The following SLC6A17 variants were observed in gnomAD, a reference collection of about 807,000 sequenced individuals.
The protein encoded by SLC6A17 is solute carrier family 6 member 17.
Under a neutral mutation model 64.5 loss-of-function variants are expected in SLC6A17, and 21 were observed. The ratio of observed to expected loss-of-function variants is 0.33; its 90% CI spans 0.23 to 0.47. The LOEUF is 0.47. Among genes scored for constraint, SLC6A17 ranks in the 20% least tolerant of loss-of-function variants. The probability of loss-of-function intolerance (pLI) is 1.00; values close to 1 mark genes in which losing one functional copy is unlikely to be tolerated. For synonymous variants in SLC6A17, 372 were observed against 399.5 expected, an observed-to-expected ratio of 0.93 and a Z score of 0.82; for missense variants, 682 against 963.2, an observed-to-expected ratio of 0.71 and a Z score of 3.86.
At position 110,198,692 on chromosome 1, in the gene SLC6A17, C is replaced by G; in HGVS notation, c.*248C>G. 1.9e-6 allele frequency: 1 copy of G among 522,292 alleles called. No homozygotes were observed. Among genetic ancestry groups the G allele is most frequent in the Non-Finnish European group, 3.2e-6 (1 of 310,854 alleles). The allele number at this position is 522,292 out of a possible 1,614,324, so 32.4% of individuals were successfully genotyped here. A position where few individuals can be genotyped will look rare whatever the true frequency, so the allele number is the denominator to read the frequency against. On this transcript the variant is annotated 3_prime_UTR_variant, in exon 12 of 12. Coordinates refer to ENST00000331565, the MANE Select transcript of SLC6A17 (RefSeq NM_001010898.4). ...CATCTAGCCCTCCAAGAGCCTCCGC[C>G]AAATTGTAGCCATGTAATTGGAACA...
At chr1:110,189,457 G>C (rs531566105) in intron 6 of SLC6A17, among the ~76,000 whole-genome samples, 2 of 152,248 alleles carry the variant, frequency 1.3e-5, no homozygotes, top group South Asian at 4.2e-4. Context: ...GCACCACCCA[G>C]CCCCTTAGCA....
chr1:110,194,275 A>G (rs1233175011), intron 8 of SLC6A17, among the ~76,000 whole-genome samples: 1 of 152,206 alleles, frequency 6.6e-6, no homozygotes, highest in Non-Finnish European at 1.5e-5. Context: ...CAGGGTCCTG[A>G]GCTGGGTGTA....
chr1:110,199,051 A>G lies in SLC6A17; in HGVS notation c.*607A>G, dbSNP rs1053951390. ...AGCCCCAAGTTCTGTTTTCTGAGGT[A>G]TGTGCTGCCCTTGGCTTCAGCATGA... On this transcript the variant is annotated 3_prime_UTR_variant, in exon 12 of 12. Transcript: ENST00000331565. The G allele has an allele frequency of 2.0e-5, 3 of 152,806 alleles. No individual in the cohort carries two copies. In the East Asian group the frequency reaches 5.8e-4, roughly 29 times the overall value. 9.5% of individuals were successfully genotyped at this position (152,806 alleles called of 1,614,324 possible). A position where few individuals can be genotyped will look rare whatever the true frequency, so the allele number is the denominator to read the frequency against.
rs1557843132 is a variant in SLC6A17, at chr1:110,198,112, A to G, written c.1852A>G (p.Met618Val). 2 of 1,613,784 alleles carry G rather than the reference A, an allele frequency of 1.2e-6. No individual in the cohort carries two copies. Among genetic ancestry groups the G allele is most frequent in the South Asian group, 1.1e-5 (1 of 91,082 alleles). Reference sequence around the variant, plus strand: ...CTACCTGTATTTCCCCAACTGGGCCATGGCACTCCTGATCACCCTCATCGT... The same window carrying G: ...CTACCTGTATTTCCCCAACTGGGCCGTGGCACTCCTGATCACCCTCATCGT... Reference protein sequence around the residue: ...ERYLYFPNWAMALLITLIVVA... With the variant: ...ERYLYFPNWAVALLITLIVVA... Residue 618 changes from methionine (M) to valine (V), a missense_variant, in exon 12 of 12, where the codon ATG (methionine) becomes GTG (valine). Met to Val is a conservative substitution (Grantham distance 21). This residue lies in a region of SLC6A17 where 264 missense variants were observed against 339.5 expected (regional missense o/e 0.78). Transcript: ENST00000331565.
At chr1:110,190,557 G>A (rs1167997894) in intron 6 of SLC6A17, among the ~76,000 whole-genome samples, 1 of 152,200 alleles carries the variant, frequency 6.6e-6, no homozygotes, top group African/African-American at 2.4e-5. Flanking sequence ...ATTTAGGGCT[G>A]TGATATTAAA....
chr1:110,195,842 G>A, intron 10 of SLC6A17, 97 bp downstream of exon 10: 1 of 1,530,970 alleles, frequency 6.5e-7, no homozygotes, highest in Non-Finnish European at 8.9e-7. Context: ...TGGCAGAGCT[G>A]AAAGTGCCCT....
Position 110,198,498 on chromosome 1 carries a change from C to T in SLC6A17, c.*54C>T, listed in dbSNP as rs902489702. The T allele has an allele frequency of 1.9e-6, 3 of 1,547,632 alleles. No homozygotes were observed. In the Admixed American group the frequency reaches 5.7e-5, roughly 29 times the overall value. On this transcript the variant is annotated 3_prime_UTR_variant, in exon 12 of 12. Transcript: ENST00000331565. ...CCCCACGCTCAACCTGCCCACTTGTCCAGGCCTGGCCTCTTTCTTGAGGTG... is the reference window on the plus strand; with the variant it reads ...CCCCACGCTCAACCTGCCCACTTGTTCAGGCCTGGCCTCTTTCTTGAGGTG...
At chr1:110,168,787 C>G (rs1480411446) in intron 2 of SLC6A17, among the ~76,000 whole-genome samples, 1 of 152,146 alleles carries the variant, frequency 6.6e-6, no homozygotes, top group African/African-American at 2.4e-5. Flanking sequence ...TCCAGAATCC[C>G]TTTCTATGCC....
At chr1:110,175,101 A>G in intron 5 of SLC6A17, 141 bp downstream of exon 5, 1 of 1,107,076 alleles carries the variant, frequency 9.0e-7, no homozygotes, top group Non-Finnish European at 1.3e-6. Context: ...GTGTGGAAGT[A>G]TCATTCCTAT....
chr1:110,166,571 C>G (rs1656061215), intron 1 of SLC6A17, among the ~76,000 whole-genome samples: 1 of 152,190 alleles, frequency 6.6e-6, no homozygotes, highest in Non-Finnish European at 1.5e-5. Context: ...GGATAATGCT[C>G]TACTTGGGTT....
At chr1:110,159,292 G>T (rs1236169279) in intron 1 of SLC6A17, among the ~76,000 whole-genome samples, 1 of 152,162 alleles carries the variant, frequency 6.6e-6, no homozygotes, top group Non-Finnish European at 1.5e-5. Context: ...TTCTGGGGCT[G>T]CCCTTGTTTA....
rs764861176 is a variant in SLC6A17, at chr1:110,194,892, G to C, written c.1492+121G>C. ...ACCCAGAAGGCTCCACCCCACACTG[G>C]GACACAGCTGGAGCCTGGCTGTGCC... is the stretch of plus-strand genomic sequence containing the variant. On this transcript the variant is annotated intron_variant, in intron 9 of 11. Transcript: ENST00000331565. The C allele has an allele frequency of 3.3e-6, 4 of 1,202,128 alleles. No individual in the cohort carries two copies. The South Asian group carries it at 5.3e-5, about 16-fold the overall frequency. The allele number at this position is 1,202,128 out of a possible 1,614,324, so 74.5% of individuals were successfully genotyped here.
At chr1:110,185,852 A>G (rs1267065969) in intron 6 of SLC6A17, among the ~76,000 whole-genome samples, 1 of 152,196 alleles carries the variant, frequency 6.6e-6, no homozygotes. Flanking sequence ...CCCCCAGATT[A>G]GCACTGGGCA....
chr1:110,185,148 AGTT>A (rs1656649833), intron 6 of SLC6A17, among the ~76,000 whole-genome samples: 1 of 152,152 alleles, frequency 6.6e-6, no homozygotes, highest in South Asian at 2.1e-4. Context: ...ATCACTCAGC[AGTT>A]GTTGGGCAAG....
intron 1 of SLC6A17, chr1:110,166,154 G>A (rs187183145): frequency 1.8e-4 from 27 of 152,344 alleles, no homozygotes; most frequent in Admixed American, 1.8e-3. Context: ...AGATTCATTG[G>A]CACTGAGCAA....
In SLC6A17 at chr1:110,192,879, G is replaced by T. The variant is rs759397400; in HGVS notation, c.1299+181G>T. Among the ~76,000 whole-genome samples the T allele has an allele frequency of 1.3e-5, 2 of 152,208 alleles. No individual in the cohort carries two copies. Among genetic ancestry groups the T allele is most frequent in the Admixed American group, 6.5e-5 (1 of 15,286 alleles). On this transcript the variant is annotated intron_variant, in intron 8 of 11. Coordinates refer to ENST00000331565, the MANE Select transcript of SLC6A17 (RefSeq NM_001010898.4). This position sits in a 1 kb window ranked among gnomAD's most constrained non-coding sequence, Gnocchi z 4.3. ...AAGAAAGGTATTGGCCAAAGTCCCT[G>T]CCCAGAGGTAGGCTTGAGCCTAGAC...
chr1:110,173,896 C>CAG, intron 3 of SLC6A17, 77 bp from the exon 4 acceptor site: 1 of 1,517,650 alleles, frequency 6.6e-7, no homozygotes, highest in Admixed American at 2.0e-5. Flanking sequence ...TGCCGACGTG[C>CAG]TGGGCCTCGG....
chr1:110,179,536 C>CTCCCT (rs1557836360), intron 6 of SLC6A17, among the ~76,000 whole-genome samples: 2 of 130,764 alleles, frequency 1.5e-5, no homozygotes, highest in Non-Finnish European at 3.3e-5. Flanking sequence ...TTCCCCTCCC[C>CTCCCT]TCCCCTCCCC....
In SLC6A17 at chr1:110,200,134, T is replaced by G. The variant is rs1657084683; in HGVS notation, c.*1690T>G. On this transcript the variant is annotated 3_prime_UTR_variant, in exon 12 of 12. Coordinates refer to ENST00000331565, the MANE Select transcript of SLC6A17 (RefSeq NM_001010898.4). ...TGTGGCTCAGATTGCTCTTAGGACCTGGAGGGACAGACCAGAATCAGGGTC... is the reference window on the plus strand; with the variant it reads ...TGTGGCTCAGATTGCTCTTAGGACCGGGAGGGACAGACCAGAATCAGGGTC... The G allele has an allele frequency of 2.5e-6, 1 of 398,426 alleles. No individual in the cohort carries two copies. The highest frequency in any genetic ancestry group is 4.4e-6 in the Non-Finnish European group (1 of 226,074). The allele number at this position is 398,426 out of a possible 1,614,324, so 24.7% of individuals were successfully genotyped here. A position where few individuals can be genotyped will look rare whatever the true frequency, so the allele number is the denominator to read the frequency against.
Sources: gnomAD v4.1 joint callset for allele counts (sites outside exome capture counted in the v4.1 genomes callset) on GRCh38, gnomAD v4.1.1 for gene constraint, gnomAD v4.1.1 regional missense constraint, Gnocchi (gnomAD v3.1) non-coding constraint, MANE v1.5 for transcripts, NCBI Gene and HGNC (gene_info 2026-07-23, HGNC 2026-07-21) for gene names.